Variants in GRM1 observed in about 807,000 individuals in gnomAD.
GRM1 encodes the protein metabotropic glutamate receptor 1.
In GRM1, 33 loss-of-function variants were observed where a neutral mutation model predicts 90.9. The ratio of observed to expected loss-of-function variants is 0.36; its 90% CI spans 0.28 to 0.49. The LOEUF (loss-of-function observed/expected upper bound fraction) is 0.49. Ranked by LOEUF, GRM1 falls within the 20% of genes least tolerant of loss-of-function variation. The pLI, the probability that GRM1 is intolerant of heterozygous loss-of-function variation, is 0.99. For synonymous variants in GRM1, 700 were observed against 613.2 expected (o/e 1.14, Z -2.09); for missense variants, 1,190 against 1,534.3 (o/e 0.78, Z 3.75).
intron 1 of GRM1, among the ~76,000 whole-genome samples, chr6:146,039,370 C>CTCTAAAGTATATG (rs1791013767): frequency 6.6e-6 from 1 of 151,874 alleles, no homozygotes. Context: ...GCTCAGGGAC[C>CTCTAAAGTATATG]TCTAAGAATA....
intron 2 of GRM1, among the ~76,000 whole-genome samples, chr6:146,203,373 C>G (rs1021052410): frequency 6.6e-6 from 1 of 152,070 alleles, no homozygotes; most frequent in Non-Finnish European, 1.5e-5. Context: ...TGTTGTTGCT[C>G]TGTCCTCCAC....
At chr6:146,079,275 T>C (rs563923410) in intron 1 of GRM1, among the ~76,000 whole-genome samples, 3 of 152,302 alleles carry the variant, frequency 2.0e-5, no homozygotes, top group African/African-American at 7.2e-5. Flanking sequence ...GAAGTGATTT[T>C]TAGTTTAAAG....
chr6:146,104,752 TA>T (rs1777169925), intron 1 of GRM1, among the ~76,000 whole-genome samples: 1 of 152,166 alleles, frequency 6.6e-6, no homozygotes, highest in Non-Finnish European at 1.5e-5. Context: ...GATACATTCA[TA>T]AATGCAACAC....
chr6:146,029,730 G>A lies in GRM1; in HGVS notation c.213G>A (p.Arg71=), dbSNP rs1790642547. The A allele has an allele frequency of 6.2e-7, 1 of 1,614,046 alleles. No individual in the cohort carries two copies. The highest frequency in any genetic ancestry group is 2.2e-5 in the East Asian group (1 of 44,856). ...CCGAGAGGAAGTGTGGGGAGATCAG[G>A]GAGCAGTATGGCATCCAGAGGGTGG... ...KVPERKCGEI[R]EQYGIQRVEA... Residue 71 remains arginine, a synonymous_variant, in exon 1 of 8, where the codon AGG becomes AGA. Coordinates refer to ENST00000282753, the MANE Select transcript of GRM1 (RefSeq NM_001278064.2).
chr6:146,255,021 A>G (rs1328780628), intron 2 of GRM1, among the ~76,000 whole-genome samples: 1 of 152,220 alleles, frequency 6.6e-6, no homozygotes, highest in Non-Finnish European at 1.5e-5. Flanking sequence ...GTATGAATAA[A>G]GAAATAGTAA....
chr6:146,201,438 A>G (rs1003617654), intron 2 of GRM1, among the ~76,000 whole-genome samples: 1 of 152,224 alleles, frequency 6.6e-6, no homozygotes, highest in African/African-American at 2.4e-5. Context: ...TGAGAAGTCC[A>G]GGATTAAAGT....
Position 146,435,170 on chromosome 6 carries a change from G to A in GRM1, c.*374G>A. ...AGATATATATATGCCCACACACACT[G>A]GGCCATGCTTGCCAAGGAACAGCCC... On this transcript the variant is annotated 3_prime_UTR_variant, in exon 8 of 8. Transcript: ENST00000282753. 5.6e-6 allele frequency: 2 copies of A among 355,436 alleles called. No individual in the cohort carries two copies. Among genetic ancestry groups the A allele is most frequent in the South Asian group, 2.3e-5 (1 of 42,840 alleles). The allele number at this position is 355,436 out of a possible 1,614,324, so 22.0% of individuals were successfully genotyped here.
At position 146,374,119 on chromosome 6, in the gene GRM1, C is replaced by T. The variant is rs192112044; in HGVS notation, c.1603-12771C>T. Among the ~76,000 whole-genome samples the T allele has an allele frequency of 2.0e-5, 3 of 150,516 alleles. No homozygotes were observed. In the East Asian group the frequency reaches 5.9e-4, roughly 30 times the overall value. The stretch of plus-strand genomic sequence containing the variant: ...CTGTTTATGCATCAATTTAAATAAT[C>T]ATATGGTTTTTATCCTTTATTCTGT... On this transcript the variant is annotated intron_variant, in intron 5 of 7. Transcript: ENST00000282753.
chr6:146,229,692 A>G (rs1780376472), intron 2 of GRM1, among the ~76,000 whole-genome samples: 1 of 152,184 alleles, frequency 6.6e-6, no homozygotes, highest in African/African-American at 2.4e-5. Context: ...CTTCTACATT[A>G]TATTCTTCAA....
intron 5 of GRM1, among the ~76,000 whole-genome samples, chr6:146,375,485 A>T (rs1776060934): frequency 1.3e-5 from 2 of 152,024 alleles, no homozygotes; most frequent in African/African-American, 2.4e-5. Context: ...TAATGCTGAC[A>T]GTGGGTTGTT....
chr6:146,416,269 A>G (rs1028154874), intron 7 of GRM1, among the ~76,000 whole-genome samples: 2 of 151,904 alleles, frequency 1.3e-5, no homozygotes, highest in Non-Finnish European at 2.9e-5. Flanking sequence ...GTCTCACTGG[A>G]TTTATGTTCC....
At chr6:146,296,979 C>A (rs1264990178) in intron 2 of GRM1, among the ~76,000 whole-genome samples, 2 of 152,152 alleles carry the variant, frequency 1.3e-5, no homozygotes, top group Non-Finnish European at 2.9e-5. Context: ...GTCTCCAGGG[C>A]CTTACAGGCT....
In GRM1 at chr6:146,434,507, A is replaced by G; in HGVS notation, c.3296A>G (p.Asp1099Gly). 6.2e-7 allele frequency: 1 copy of G among 1,614,064 alleles called. No individual in the cohort carries two copies. Among genetic ancestry groups the G allele is most frequent in the Admixed American group, 1.7e-5 (1 of 60,014 alleles). The change falls in exon 8 of 8, where the codon GAC (aspartate) becomes GGC (glycine). Residue 1099 changes from aspartate to glycine, a missense_variant. By Grantham distance (94) the Asp-to-Gly change is moderately conservative. Transcript: ENST00000282753. ...LVSPPADDDD[D>G]SERFKLLQEY... ...TCCCCGCCCGCGGACGACGACGACG[A>G]CAGCGAGAGGTTTAAGCTCCTCCAG... is the stretch of plus-strand genomic sequence containing the variant.
At chr6:146,370,632 A>G (rs1434994966) in intron 5 of GRM1, among the ~76,000 whole-genome samples, 1 of 152,006 alleles carries the variant, frequency 6.6e-6, no homozygotes, top group Non-Finnish European at 1.5e-5. Context: ...ACTAAACAGA[A>G]GTTGATTAAT....
At chr6:146,346,812 T>C (rs1411597129) in intron 3 of GRM1, among the ~76,000 whole-genome samples, 1 of 152,242 alleles carries the variant, frequency 6.6e-6, no homozygotes, top group Non-Finnish European at 1.5e-5. Context: ...TGAATTGAGA[T>C]TGTATCAAAT....
At chr6:146,140,667 A>G (rs762122377) in intron 1 of GRM1, among the ~76,000 whole-genome samples, 9 of 152,248 alleles carry the variant, frequency 5.9e-5, no homozygotes, top group Non-Finnish European at 1.3e-4. Context: ...TGATTGCAAA[A>G]ACAAATTAAC....
chr6:146,200,131 A>T (rs1779254375), intron 2 of GRM1, among the ~76,000 whole-genome samples: 1 of 152,166 alleles, frequency 6.6e-6, no homozygotes, highest in Non-Finnish European at 1.5e-5. Context: ...CTGGGACTTG[A>T]ACTAAACATA....
chr6:146,274,066 T>C (rs953371822), intron 2 of GRM1, among the ~76,000 whole-genome samples: 6 of 152,236 alleles, frequency 3.9e-5, no homozygotes, highest in Non-Finnish European at 8.8e-5. Flanking sequence ...CAAGTCTTTC[T>C]TACTTTATGT....
At chr6:146,203,949 A>C (rs1479992213) in intron 2 of GRM1, among the ~76,000 whole-genome samples, 1 of 152,224 alleles carries the variant, frequency 6.6e-6, no homozygotes, top group Non-Finnish European at 1.5e-5. Flanking sequence ...AAAAAGAAGT[A>C]TTTTATTTCA....
Sources: gnomAD v4.1 joint callset for allele counts (sites outside exome capture counted in the v4.1 genomes callset) on GRCh38, gnomAD v4.1.1 for gene constraint, MANE v1.5 for transcripts, NCBI Gene and HGNC (gene_info 2026-07-23, HGNC 2026-07-21) for gene names.